The following FFAR2 variants were observed in gnomAD, a reference collection of about 807,000 sequenced individuals.
The protein encoded by FFAR2 is G-protein coupled receptor 43.
For missense variants in FFAR2, 421 were observed against 428.9 expected (o/e 0.98, Z 0.16); for synonymous variants, 193 against 189.9 (o/e 1.02, Z -0.13).
In FFAR2 at chr19:35,450,827, G is replaced by A. The variant is rs548649508; in HGVS notation, c.*120G>A. ...ATCCTTAGACCCAGCCCAGGACTGCGACTTTGAAAAAAATGCCTTTCACCA... is the reference window on the plus strand; with the variant it reads ...ATCCTTAGACCCAGCCCAGGACTGCAACTTTGAAAAAAATGCCTTTCACCA... On this transcript the variant is annotated 3_prime_UTR_variant, in exon 2 of 2. Coordinates refer to ENST00000599180, the MANE Select transcript of FFAR2 (RefSeq NM_001370087.1). 3.4e-5 allele frequency: 37 copies of A among 1,087,374 alleles called. No individual in the cohort carries two copies. Among genetic ancestry groups the A allele is most frequent in the South Asian group, 1.5e-4 (9 of 60,182 alleles). 67.4% of individuals were successfully genotyped at this position (1,087,374 alleles called of 1,614,324 possible).
Position 35,451,688 on chromosome 19 carries a change from A to C in FFAR2, c.*981A>C, listed in dbSNP as rs1404598221. ...GCCAGGATGTGGTTTGGTACCCAGC[A>C]ATCAGAGATTGGCACTCCCTCATAC... On this transcript the variant is annotated 3_prime_UTR_variant, in exon 2 of 2. Transcript: ENST00000599180. 6.6e-6 allele frequency: 1 copy of C among 152,210 alleles called. No homozygotes were observed. Among genetic ancestry groups the C allele is most frequent in the Non-Finnish European group, 1.5e-5 (1 of 68,034 alleles). The allele number at this position is 152,210 out of a possible 1,614,324, so 9.4% of individuals were successfully genotyped here.
At position 35,450,766 on chromosome 19, in the gene FFAR2, G is replaced by C. The variant is rs962405391; in HGVS notation, c.*59G>C. ...TACACAGGAGCTGGGAAGCCTGGGA[G>C]AGGCGGAGCAGGAAGGCTCCCATCC... On this transcript the variant is annotated 3_prime_UTR_variant, in exon 2 of 2. Transcript: ENST00000599180. 3 of 1,534,538 alleles carry C rather than the reference G, an allele frequency of 2.0e-6. No individual in the cohort carries two copies. The East Asian group carries it at 6.8e-5, about 35-fold the overall frequency.
chr19:35,449,794 TG>T lies in FFAR2; in HGVS notation c.82del (p.Ala28ProfsTer22). The T allele has an allele frequency of 1.2e-6, 2 of 1,611,640 alleles. No individual in the cohort carries two copies. The highest frequency in any genetic ancestry group is 1.7e-6 in the Non-Finnish European group (2 of 1,178,934). On this transcript the variant is annotated frameshift_variant, in exon 2 of 2. Coordinates refer to ENST00000599180, the MANE Select transcript of FFAR2 (RefSeq NM_001370087.1). LOFTEE classifies it low-confidence loss of function (END_TRUNC). ...CTCACTGGCCTCCCTGCCAACCTCCTGGCCCTGCGGGCCTTTGTGGGGCGGA... is the reference window on the plus strand; with the variant it reads ...CTCACTGGCCTCCCTGCCAACCTCCTGCCCTGCGGGCCTTTGTGGGGCGGA... ...IFLTGLPANL[L>X]ALRAFVGRIR...
chr19:35,449,705 C>G lies in FFAR2; in HGVS notation c.-1-9C>G. On this transcript the variant is annotated splice_polypyrimidine_tract_variant and intron_variant, in intron 1 of 1. Coordinates refer to ENST00000599180, the MANE Select transcript of FFAR2 (RefSeq NM_001370087.1). ...CTCCCTGACCCCGCCCTTTTTTGTTCCCCTCCAGGATGCTGCCGGACTGGA... is the reference window on the plus strand; with the variant it reads ...CTCCCTGACCCCGCCCTTTTTTGTTGCCCTCCAGGATGCTGCCGGACTGGA... 3 of 1,528,542 alleles carry G rather than the reference C, an allele frequency of 2.0e-6. No individual in the cohort carries two copies. Among genetic ancestry groups the G allele is most frequent in the Non-Finnish European group, 2.6e-6 (3 of 1,139,552 alleles). The allele number at this position is 1,528,542 out of a possible 1,614,324, so 94.7% of individuals were successfully genotyped here. A position where few individuals can be genotyped will look rare whatever the true frequency, so the allele number is the denominator to read the frequency against.
chr19:35,450,758 G>A lies in FFAR2; in HGVS notation c.*51G>A. ...GCCTGGGTTACACAGGAGCTGGGAA[G>A]CCTGGGAGAGGCGGAGCAGGAAGGC... On this transcript the variant is annotated 3_prime_UTR_variant, in exon 2 of 2. Transcript: ENST00000599180. 1 of 1,554,988 alleles carries A rather than the reference G, an allele frequency of 6.4e-7. No homozygotes were observed. Among genetic ancestry groups the A allele is most frequent in the South Asian group, 1.2e-5 (1 of 83,568 alleles).
At chr19:35,449,025 A>G (rs2067363091) in intron 1 of FFAR2, among the ~76,000 whole-genome samples, 1 of 151,014 alleles carries the variant, frequency 6.6e-6, no homozygotes, top group Non-Finnish European at 1.5e-5. Context: ...GCTTGTTTCG[A>G]ACTCCTGACT....
rs770890630 is a variant in FFAR2 at position 35,449,814 on chromosome 19, G to T, written c.100G>T (p.Gly34Trp). Residue 34 changes from glycine (G) to tryptophan (W), a missense_variant, in exon 2 of 2, where the codon GGG becomes TGG. By Grantham distance (184) the Gly-to-Trp change is radical. Coordinates refer to ENST00000599180, the MANE Select transcript of FFAR2 (RefSeq NM_001370087.1). The part of the protein sequence containing the change: ...ANLLALRAFV[G>W]RIRQPQPAPV... ...CCTCCTGGCCCTGCGGGCCTTTGTG[G>T]GGCGGATCCGCCAGCCCCAGCCTGC... is the stretch of plus-strand genomic sequence containing the variant. 6.2e-7 allele frequency: 1 copy of T among 1,613,564 alleles called. No individual in the cohort carries two copies. Among genetic ancestry groups the T allele is most frequent in the Non-Finnish European group, 8.5e-7 (1 of 1,179,806 alleles).
In FFAR2 at chr19:35,451,041, G is replaced by A. The variant is rs540233672; in HGVS notation, c.*334G>A. 12 of 226,846 alleles carry A rather than the reference G, an allele frequency of 5.3e-5. No individual in the cohort carries two copies. Among genetic ancestry groups the A allele is most frequent in the Non-Finnish European group, 9.7e-5 (11 of 113,020 alleles). 14.1% of individuals were successfully genotyped at this position (226,846 alleles called of 1,614,324 possible). On this transcript the variant is annotated 3_prime_UTR_variant, in exon 2 of 2. Coordinates refer to ENST00000599180, the MANE Select transcript of FFAR2 (RefSeq NM_001370087.1). ...GATTGAGAACATCCTGGTCAACATG[G>A]GAAAACCCCGTCTCTACTAAAAATA...
rs1301039399 is a variant in FFAR2, at chr19:35,450,664, G to A, written c.950G>A (p.Gly317Asp). 3.7e-6 allele frequency: 6 copies of A among 1,614,024 alleles called. No individual in the cohort carries two copies. Among genetic ancestry groups the A allele is most frequent in the Non-Finnish European group, 5.1e-6 (6 of 1,179,982 alleles). Residue 317 changes from glycine to aspartate, a missense_variant, in exon 2 of 2, where the codon GGT (glycine) becomes GAT (aspartate). By Grantham distance (94) the Gly-to-Asp change is moderately conservative. Coordinates refer to ENST00000599180, the MANE Select transcript of FFAR2 (RefSeq NM_001370087.1). ...AEGTNEDRGV[G>D]QGEGMPSSDF... ...GGGACAAATGAGGACAGGGGTGTGG[G>A]TCAAGGAGAAGGGATGCCAAGTTCG...
At position 35,450,760 on chromosome 19, in the gene FFAR2, C is replaced by T. The variant is rs1255703371; in HGVS notation, c.*53C>T. On this transcript the variant is annotated 3_prime_UTR_variant, in exon 2 of 2. Transcript: ENST00000599180. ...CTGGGTTACACAGGAGCTGGGAAGC[C>T]TGGGAGAGGCGGAGCAGGAAGGCTC... 1 of 1,547,516 alleles carries T rather than the reference C, an allele frequency of 6.5e-7. No homozygotes were observed. The highest frequency in any genetic ancestry group is 8.8e-7 in the Non-Finnish European group (1 of 1,141,624).
rs532836307 is a variant in FFAR2 at position 35,450,778 on chromosome 19, G to T, written c.*71G>T. 30 of 1,478,234 alleles carry T rather than the reference G, an allele frequency of 2.0e-5. No homozygotes were observed. In the South Asian group the frequency reaches 3.9e-4, roughly 19 times the overall value. The allele number at this position is 1,478,234 out of a possible 1,614,324, so 91.6% of individuals were successfully genotyped here. On this transcript the variant is annotated 3_prime_UTR_variant, in exon 2 of 2. Transcript: ENST00000599180. ...GGGAAGCCTGGGAGAGGCGGAGCAG[G>T]AAGGCTCCCATCCAGATTCAGAAAT...
In FFAR2 at chr19:35,449,263, C is replaced by T. The variant is rs1191529888; in HGVS notation, c.-1-451C>T. On this transcript the variant is annotated intron_variant, in intron 1 of 1. Transcript: ENST00000599180. ...TTGGAGAGCTGGCACTGGGTATCCG[C>T]GCCTGGGGCGCCACAGCCTCTTTAT... 5.9e-5 allele frequency among the ~76,000 whole-genome samples: 9 copies of T among 152,278 alleles called. No individual in the cohort carries two copies. The East Asian group carries it at 9.7e-4, about 16-fold the overall frequency.
intron 1 of FFAR2, among the ~76,000 whole-genome samples, chr19:35,448,738 G>C (rs887573584): frequency 6.6e-6 from 1 of 151,978 alleles, no homozygotes; most frequent in Non-Finnish European, 1.5e-5. Flanking sequence ...TCCTCCTAAG[G>C]CTAGTGCTGG....
rs757367118 is a variant in FFAR2 at position 35,450,039 on chromosome 19, C to A, written c.325C>A (p.Leu109Met). Residue 109 changes from leucine to methionine, a missense_variant, in exon 2 of 2, where the codon CTG becomes ATG. By Grantham distance (15) the Leu-to-Met change is conservative. Coordinates refer to ENST00000599180, the MANE Select transcript of FFAR2 (RefSeq NM_001370087.1). ...LLAGISIERY[L>M]GVAFPVQYKL... ...GGCGGGCATCAGCATCGAGCGCTACCTGGGAGTGGCTTTCCCCGTGCAGTA... is the reference window on the plus strand; with the variant it reads ...GGCGGGCATCAGCATCGAGCGCTACATGGGAGTGGCTTTCCCCGTGCAGTA... 4.3e-6 allele frequency: 7 copies of A among 1,614,114 alleles called. No homozygotes were observed. The highest frequency in any genetic ancestry group is 5.1e-6 in the Non-Finnish European group (6 of 1,180,058).
intron 1 of FFAR2, among the ~76,000 whole-genome samples, chr19:35,449,317 G>C (rs530919280): frequency 2.6e-5 from 4 of 152,138 alleles, no homozygotes; most frequent in Admixed American, 2.0e-4. Flanking sequence ...GCTCTCTCCC[G>C]GCACTGATGC....
Position 35,449,807 on chromosome 19 carries a change from C to T in FFAR2, c.93C>T (p.Ala31=), listed in dbSNP as rs1346335041. ...CTGCCAACCTCCTGGCCCTGCGGGC[C>T]TTTGTGGGGCGGATCCGCCAGCCCC... ...GLPANLLALR[A]FVGRIRQPQP... The change falls in exon 2 of 2, where the codon GCC becomes GCT. Residue 31 remains alanine, a synonymous_variant. Transcript: ENST00000599180. 6.2e-7 allele frequency: 1 copy of T among 1,613,434 alleles called. No homozygotes were observed. Among genetic ancestry groups the T allele is most frequent in the Non-Finnish European group, 8.5e-7 (1 of 1,179,768 alleles).
Position 35,450,764 on chromosome 19 carries a change from G to A in FFAR2, c.*57G>A. 6.5e-7 allele frequency: 1 copy of A among 1,538,198 alleles called. No homozygotes were observed. The highest frequency in any genetic ancestry group is 1.8e-4 in the Middle Eastern group (1 of 5,688). On this transcript the variant is annotated 3_prime_UTR_variant, in exon 2 of 2. Transcript: ENST00000599180. ...GTTACACAGGAGCTGGGAAGCCTGG[G>A]AGAGGCGGAGCAGGAAGGCTCCCAT...
At chr19:35,449,488 A>C (rs1599742900) in intron 1 of FFAR2, among the ~76,000 whole-genome samples, 1 of 152,250 alleles carries the variant, frequency 6.6e-6, no homozygotes, top group Non-Finnish European at 1.5e-5. Context: ...CCAGAGACAC[A>C]TGATGGCAAA....
At chr19:35,449,660 G>C (rs2067366540) in intron 1 of FFAR2, 54 bp from the exon 2 acceptor site, 1 of 1,514,064 alleles carries the variant, frequency 6.6e-7, no homozygotes, top group African/African-American at 1.4e-5. Context: ...AGAGCTGGCT[G>C]CGCGGGCTGT....
Sources: allele counts gnomAD v4.1 joint callset (sites outside exome capture counted in the v4.1 genomes callset), GRCh38; gene constraint gnomAD v4.1.1; transcripts MANE v1.5; gene names NCBI Gene and HGNC (gene_info 2026-07-23, HGNC 2026-07-21).